VKORC1L1: variants seen among roughly 807,000 people sequenced by gnomAD.
VKORC1L1 encodes vitamin K epoxide reductase complex subunit 1L1.
Under a neutral mutation model 18.9 loss-of-function variants are expected in VKORC1L1, and 2 were observed. That is an observed-to-expected ratio of 0.11 (90% CI 0.04 to 0.33). VKORC1L1 has a LOEUF of 0.33. Among genes scored for constraint, VKORC1L1 ranks in the 10% least tolerant of loss-of-function variants. The pLI is 1.00. For synonymous variants in VKORC1L1, 96 were observed against 100.0 expected (o/e 0.96, Z 0.24); for missense variants, 123 against 224.1 (o/e 0.55, Z 2.88).
At chr7:65,870,942 C>G (rs1241289192), upstream of VKORC1L1, among the ~76,000 whole-genome samples, 2 of 152,048 alleles carry the variant, frequency 1.3e-5, no homozygotes, top group African/African-American at 4.8e-5. Flanking sequence ...ATGCACCACA[C>G]CTTGCTAATT....
intron 1 of VKORC1L1, among the ~76,000 whole-genome samples, chr7:65,923,880 G>C (rs1404087871): frequency 6.6e-6 from 1 of 152,220 alleles, no homozygotes; most frequent in African/African-American, 2.4e-5. Context: ...AAAGTACAGA[G>C]CAGTGTGGGT....
chr7:65,900,307 A>G (rs1427423635), intron 1 of VKORC1L1, among the ~76,000 whole-genome samples: 1 of 149,870 alleles, frequency 6.7e-6, no homozygotes, highest in Admixed American at 6.7e-5. Context: ...GGAGAATGGC[A>G]TGAACCCGGG....
At chr7:65,921,877 C>T (rs894457449) in intron 1 of VKORC1L1, among the ~76,000 whole-genome samples, 1 of 151,882 alleles carries the variant, frequency 6.6e-6, no homozygotes, top group Non-Finnish European at 1.5e-5. Context: ...TTTTTAGAGA[C>T]GGGTCTCACG....
At chr7:65,920,511 A>C (rs1417383341) in intron 1 of VKORC1L1, among the ~76,000 whole-genome samples, 1 of 152,204 alleles carries the variant, frequency 6.6e-6, no homozygotes, top group Admixed American at 6.5e-5. Flanking sequence ...ATTCGTGTAC[A>C]TAATTTGAGA....
chr7:65,880,897 A>G (rs922724342), intron 1 of VKORC1L1, among the ~76,000 whole-genome samples: 1 of 152,152 alleles, frequency 6.6e-6, no homozygotes, highest in African/African-American at 2.4e-5. Flanking sequence ...TTTCTTCTAT[A>G]AAGTTATTGT....
At chr7:65,879,058 A>T (rs2116326786) in intron 1 of VKORC1L1, among the ~76,000 whole-genome samples, 2 of 152,266 alleles carry the variant, frequency 1.3e-5, no homozygotes, top group South Asian at 4.1e-4. Context: ...AACTTTTCAG[A>T]GCCGTTTGAC....
chr7:65,893,313 G>A (rs758800925), intron 1 of VKORC1L1, among the ~76,000 whole-genome samples: 6 of 152,110 alleles, frequency 3.9e-5, no homozygotes, highest in East Asian at 1.9e-4. Flanking sequence ...AGGCTGAGGC[G>A]GGCAGATAAC....
intron 1 of VKORC1L1, among the ~76,000 whole-genome samples, chr7:65,882,799 G>A (rs1404374253): frequency 6.6e-6 from 1 of 152,128 alleles, no homozygotes; most frequent in Non-Finnish European, 1.5e-5. Context: ...ATATTGTAAA[G>A]TTTTTATTTT....
rs776351211 is a variant in VKORC1L1, at chr7:65,954,317, C to T, written c.*17C>T. 1.2e-6 allele frequency: 2 copies of T among 1,613,704 alleles called. No homozygotes were observed. Among genetic ancestry groups the T allele is most frequent in the African/African-American group, 2.7e-5 (2 of 74,902 alleles). On this transcript the variant is annotated 3_prime_UTR_variant, in exon 3 of 3. Coordinates refer to ENST00000360768, the MANE Select transcript of VKORC1L1 (RefSeq NM_173517.6). ...CAGGACTGACGCCCGACAGACTCCA[C>T]CCTAACAGTCTCAAGCCCCTTTCCA...
intron 1 of VKORC1L1, among the ~76,000 whole-genome samples, chr7:65,928,384 A>G (rs977443953): frequency 2.0e-5 from 3 of 151,186 alleles, no homozygotes; most frequent in African/African-American, 7.3e-5. Context: ...TGCTCCTGGC[A>G]TAGAACAATT....
chr7:65,895,477 AAAAATATATATATATATATATATAT>A lies in VKORC1L1; in HGVS notation c.194+21914_194+21938del, dbSNP rs1361723143. ...AGAAAAAAAAAAAAAAAAAAAAAAA[AAAAATATATATATATATATATATAT>A]ATATATATATATATACACACACACA... On this transcript the variant is annotated intron_variant, in intron 1 of 2. Transcript: ENST00000360768. Among the ~76,000 whole-genome samples, 88 of 38,084 alleles carry A rather than the reference AAAAATATATATATATATATATATAT, an allele frequency of 2.3e-3. 2 individuals are homozygous for A. The South Asian group carries it at 0.041, about 18-fold the overall frequency. 25.0% of individuals were successfully genotyped at this position (38,084 alleles called of 152,430 possible).
intron 1 of VKORC1L1, among the ~76,000 whole-genome samples, chr7:65,939,924 A>T (rs527847361): frequency 2.7e-4 from 41 of 152,232 alleles, no homozygotes; most frequent in Non-Finnish European, 5.0e-4. Context: ...AATGTAGACT[A>T]TTTTTGCACC....
chr7:65,909,675 CTTTTG>C (rs1392282884), intron 1 of VKORC1L1, among the ~76,000 whole-genome samples: 8 of 137,870 alleles, frequency 5.8e-5, no homozygotes, highest in African/African-American at 2.0e-4. Context: ...AAGCTTCTAA[CTTTTG>C]TTTTAGCCTT....
At chr7:65,949,109 G>C (rs1562657816) in intron 2 of VKORC1L1, among the ~76,000 whole-genome samples, 2 of 151,840 alleles carry the variant, frequency 1.3e-5, no homozygotes, top group African/African-American at 2.4e-5. Flanking sequence ...ATATATTAAG[G>C]GGACATTAAC....
upstream of VKORC1L1, among the ~76,000 whole-genome samples, chr7:65,869,661 T>C (rs2116304780): frequency 6.8e-6 from 1 of 147,640 alleles, no homozygotes; most frequent in East Asian, 2.0e-4. Flanking sequence ...TTTTTTTTTT[T>C]TTTTTTAGAG....
At chr7:65,926,259 G>A (rs942461751) in intron 1 of VKORC1L1, among the ~76,000 whole-genome samples, 4 of 151,958 alleles carry the variant, frequency 2.6e-5, no homozygotes, top group East Asian at 1.9e-4. Context: ...GGGTTCAGGC[G>A]ATTCTCCTGC....
chr7:65,886,463 T>G (rs1287093925), intron 1 of VKORC1L1, among the ~76,000 whole-genome samples: 1 of 152,204 alleles, frequency 6.6e-6, no homozygotes, highest in African/African-American at 2.4e-5. Flanking sequence ...ACGCAATTGT[T>G]GTGAAAATGT....
intron 1 of VKORC1L1, among the ~76,000 whole-genome samples, chr7:65,911,018 T>C (rs1354696285): frequency 6.6e-6 from 1 of 152,224 alleles, no homozygotes; most frequent in Non-Finnish European, 1.5e-5. Context: ...GTTAACACAC[T>C]GTGATGTTAC....
rs765182251 is a variant in VKORC1L1, at chr7:65,958,553, T to C, written c.*4253T>C. ...ATGTAGAAGTTACCTGTGGAAGTTGTGCTCCCATTATTCTTAAACTGCAGG... is the reference window on the plus strand; with the variant it reads ...ATGTAGAAGTTACCTGTGGAAGTTGCGCTCCCATTATTCTTAAACTGCAGG... On this transcript the variant is annotated 3_prime_UTR_variant, in exon 3 of 3. Coordinates refer to ENST00000360768, the MANE Select transcript of VKORC1L1 (RefSeq NM_173517.6). 23 of 152,252 alleles carry C rather than the reference T, an allele frequency of 1.5e-4. No homozygotes were observed. Among genetic ancestry groups the C allele is most frequent in the Non-Finnish European group, 2.8e-4 (19 of 68,048 alleles). 9.4% of individuals were successfully genotyped at this position (152,252 alleles called of 1,614,324 possible).
Sources: gnomAD v4.1 joint callset for allele counts (sites outside exome capture counted in the v4.1 genomes callset) on GRCh38, gnomAD v4.1.1 for gene constraint, MANE v1.5 for transcripts, NCBI Gene and HGNC (gene_info 2026-07-23, HGNC 2026-07-21) for gene names.